CDCP1: variants seen among roughly 807,000 people sequenced by gnomAD.
CDCP1 encodes the protein CUB domain-containing protein 1.
A neutral mutation model predicts 60.2 loss-of-function variants in CDCP1; 29 were observed. That is an observed-to-expected ratio of 0.48 (90% confidence interval 0.36 to 0.66). The LOEUF (loss-of-function observed/expected upper bound fraction) is 0.66. Among genes scored for constraint, CDCP1 ranks in the 30% least tolerant of loss-of-function variants. The probability of loss-of-function intolerance (pLI) is 0.00; values close to 1 mark genes in which losing one functional copy is unlikely to be tolerated. For missense variants in CDCP1, 876 were observed against 1,074.3 expected, an observed-to-expected ratio of 0.82 and a Z score of 2.58; for synonymous variants, 387 against 431.1, an observed-to-expected ratio of 0.90 and a Z score of 1.27.
At chr3:45,110,404 C>G in intron 4 of CDCP1, 69 bp downstream of exon 4, 1 of 1,566,512 alleles carries the variant, frequency 6.4e-7, no homozygotes, top group Admixed American at 1.8e-5. Flanking sequence ...GAGCCTCACC[C>G]AGGCAGACTA....
chr3:45,134,259 A>G (rs886279287), intron 1 of CDCP1, among the ~76,000 whole-genome samples: 73 of 151,938 alleles, frequency 4.8e-4, no homozygotes, highest in Non-Finnish European at 5.9e-4. Flanking sequence ...TGAGTAGCTG[A>G]GACTACAGGC....
Position 45,146,205 on chromosome 3 carries a change from C to G in CDCP1, c.82+1G>C, listed in dbSNP as rs1277322763. The G allele has an allele frequency of 6.3e-7, 1 of 1,592,160 alleles. No individual in the cohort carries two copies. The highest frequency in any genetic ancestry group is 8.5e-7 in the Non-Finnish European group (1 of 1,172,002). On this transcript the variant is annotated splice_donor_variant, in intron 1 of 8. Transcript: ENST00000296129. LOFTEE classifies it high-confidence loss of function. ...ATCCGCCTCCAAAGCCCGGCACTCA[C>G]CTGCCCCGCGCGGCAGGCGCGCCGC...
At chr3:45,134,124 T>C (rs1013910440) in intron 1 of CDCP1, among the ~76,000 whole-genome samples, 2 of 152,070 alleles carry the variant, frequency 1.3e-5, no homozygotes, top group South Asian at 4.2e-4. Flanking sequence ...ACCCATGTTT[T>C]TGAGGCCTTA....
At chr3:45,121,832 C>G (rs1362663182) in intron 1 of CDCP1, among the ~76,000 whole-genome samples, 1 of 152,172 alleles carries the variant, frequency 6.6e-6, no homozygotes, top group East Asian at 1.9e-4. Context: ...TTTATGTAAG[C>G]TATACCTTAA....
At chr3:45,129,666 G>T (rs757273867) in intron 1 of CDCP1, among the ~76,000 whole-genome samples, 27 of 152,082 alleles carry the variant, frequency 1.8e-4, no homozygotes, top group Non-Finnish European at 3.2e-4. Context: ...GTACACTCAG[G>T]GACACACACG....
intron 1 of CDCP1, among the ~76,000 whole-genome samples, chr3:45,142,701 A>C (rs1021080874): frequency 6.6e-6 from 1 of 152,100 alleles, no homozygotes; most frequent in African/African-American, 2.4e-5. Flanking sequence ...TACGCAACTA[A>C]AGCCCTAAGA....
Position 45,084,918 on chromosome 3 carries a change from A to G in CDCP1, c.*720T>C, listed in dbSNP as rs1698163863. ...TATAGGACAATGGGATTCAAGATGA[A>G]TTTCCACAATGGGATAACCACGAAC... On this transcript the variant is annotated 3_prime_UTR_variant, in exon 9 of 9. Transcript: ENST00000296129. The G allele has an allele frequency of 6.6e-6, 1 of 152,670 alleles. No homozygotes were observed. Among genetic ancestry groups the G allele is most frequent in the African/African-American group, 2.4e-5 (1 of 41,450 alleles). The allele number at this position is 152,670 out of a possible 1,614,324, so 9.5% of individuals were successfully genotyped here.
intron 4 of CDCP1, among the ~76,000 whole-genome samples, chr3:45,107,623 C>G (rs1166757767): frequency 6.6e-6 from 1 of 152,168 alleles, no homozygotes; most frequent in East Asian, 1.9e-4. Context: ...CCTCACAACA[C>G]CCCGATGAGG....
At chr3:45,107,494 C>T (rs1698587313) in intron 4 of CDCP1, among the ~76,000 whole-genome samples, 1 of 152,166 alleles carries the variant, frequency 6.6e-6, no homozygotes, top group Admixed American at 6.5e-5. Context: ...TCATGAGCCA[C>T]CGCGCCCGGC....
rs558875395 is a variant in CDCP1 at position 45,091,108 on chromosome 3, C to T, written c.1993+65G>A. 6.5e-6 allele frequency: 10 copies of T among 1,535,340 alleles called. 1 individual carries two copies. In the East Asian group the frequency reaches 2.3e-4, roughly 35 times the overall value. ...TGATTCTGACTTGTCTCCAGGCTTG[C>T]TCTCTATCCTCCAGCTGACAATTTT... On this transcript the variant is annotated intron_variant, in intron 7 of 8. Coordinates refer to ENST00000296129, the MANE Select transcript of CDCP1 (RefSeq NM_022842.5). This position sits in a 1 kb window ranked among gnomAD's most constrained non-coding sequence, Gnocchi z 4.8.
At position 45,146,363 on chromosome 3, in the gene CDCP1, A is replaced by G. The variant is rs1280517644; in HGVS notation, c.-76T>C. 16 of 1,321,152 alleles carry G rather than the reference A, an allele frequency of 1.2e-5. No homozygotes were observed. Among genetic ancestry groups the G allele is most frequent in the East Asian group, 3.0e-5 (1 of 32,942 alleles). 81.8% of individuals were successfully genotyped at this position (1,321,152 alleles called of 1,614,324 possible). A position where few individuals can be genotyped will look rare whatever the true frequency, so the allele number is the denominator to read the frequency against. On this transcript the variant is annotated 5_prime_UTR_variant, in exon 1 of 9. Transcript: ENST00000296129. ...GGCCCCAGGCGCCCAAGCCCGGCGC[A>G]GCTGCGCTCCGCCCTGGCTCACTCA...
intron 4 of CDCP1, 100 bp downstream of exon 4, chr3:45,110,373 C>A: frequency 6.7e-7 from 1 of 1,502,540 alleles, no homozygotes; most frequent in Non-Finnish European, 8.9e-7. Flanking sequence ...TTTCAGAAGC[C>A]ACAGATGAGA....
rs138874930 is a variant in CDCP1 at position 45,105,179 on chromosome 3, G to T, written c.1024+5294C>A. Among the ~76,000 whole-genome samples the T allele has an allele frequency of 3.1e-3, 474 of 152,302 alleles. 1 individual carries two copies. The highest frequency in any genetic ancestry group is 0.011 in the African/African-American group (449 of 41,564). ...CACTGGGGACCTTTGAAGGGATTGG[G>T]TTACTGACTGATGTTTCATAAAGGC... is the stretch of plus-strand genomic sequence containing the variant. On this transcript the variant is annotated intron_variant, in intron 4 of 8. Coordinates refer to ENST00000296129, the MANE Select transcript of CDCP1 (RefSeq NM_022842.5).
chr3:45,118,144 ATCT>A (rs2126000274), intron 2 of CDCP1, among the ~76,000 whole-genome samples: 1 of 152,226 alleles, frequency 6.6e-6, no homozygotes, highest in Admixed American at 6.5e-5. Flanking sequence ...TCTTCTCCTG[ATCT>A]TCTGCTTACT....
chr3:45,110,591 A>T lies in CDCP1; in HGVS notation c.906T>A (p.Pro302=). Residue 302 remains proline, a synonymous_variant, in exon 4 of 9, where the codon CCT becomes CCA. Coordinates refer to ENST00000296129, the MANE Select transcript of CDCP1 (RefSeq NM_022842.5). ...PEVFKLEDKQ[P]GNMAGNFNLS... ...GGTTGAAGTTCCCCGCCATGTTCCC[A>T]GGCTGCTTGTCCTCCAGCTTGAACA... The T allele has an allele frequency of 6.2e-7, 1 of 1,614,210 alleles. No individual in the cohort carries two copies.
At chr3:45,126,100 G>GTCTC (rs111756057) in intron 1 of CDCP1, among the ~76,000 whole-genome samples, 1 of 112,860 alleles carries the variant, frequency 8.9e-6, no homozygotes, top group Non-Finnish European at 2.0e-5. Flanking sequence ...GCCATTCTTT[G>GTCTC]TCTCTCTCTC....
At chr3:45,140,426 C>A (rs1305369831) in intron 1 of CDCP1, among the ~76,000 whole-genome samples, 1 of 152,222 alleles carries the variant, frequency 6.6e-6, no homozygotes, top group Non-Finnish European at 1.5e-5. Context: ...GCCATCTGTG[C>A]TCAGGGAACA....
intron 1 of CDCP1, among the ~76,000 whole-genome samples, chr3:45,120,221 C>T (rs1201566093): frequency 2.0e-5 from 3 of 152,162 alleles, no homozygotes; most frequent in Non-Finnish European, 4.4e-5. Context: ...CACAGCTCAG[C>T]AGCTGTATGT....
intron 4 of CDCP1, among the ~76,000 whole-genome samples, chr3:45,104,677 G>A (rs1475386429): frequency 6.6e-6 from 1 of 152,118 alleles, no homozygotes; most frequent in Non-Finnish European, 1.5e-5. Context: ...CCTAATAAAG[G>A]GGCAGATCTG....
Sources: allele counts gnomAD v4.1 joint callset (sites outside exome capture counted in the v4.1 genomes callset), GRCh38; gene constraint gnomAD v4.1.1; non-coding constraint Gnocchi (gnomAD v3.1); transcripts MANE v1.5; gene names NCBI Gene and HGNC (gene_info 2026-07-23, HGNC 2026-07-21).